Variants in PTPRD observed in about 807,000 individuals in gnomAD.
PTPRD encodes receptor-type tyrosine-protein phosphatase delta.
PTPRD carries 34 observed loss-of-function variants against 214.5 expected under a neutral mutation model. The observed-to-expected ratio is 0.16, with a 90% CI of 0.12 to 0.21. The LOEUF (loss-of-function observed/expected upper bound fraction) is 0.21. Ranked by LOEUF, PTPRD falls within the 10% of genes least tolerant of loss-of-function variation. PTPRD has a pLI of 1.00. For missense variants in PTPRD, 2,545 were observed against 2,398.7 expected (o/e 1.06, Z -1.27); for synonymous variants, 1,128 against 845.7 (o/e 1.33, Z -5.79).
chr9:10,240,288 C>T (rs1595085657), intron 3 of PTPRD, among the ~76,000 whole-genome samples: 3 of 152,026 alleles, frequency 2.0e-5, no homozygotes, highest in East Asian at 3.9e-4. Flanking sequence ...CTATCAAATA[C>T]ACTTGCTATG....
At chr9:8,762,989 C>A (rs1281830139) in intron 11 of PTPRD, among the ~76,000 whole-genome samples, 2 of 152,116 alleles carry the variant, frequency 1.3e-5, no homozygotes, top group Non-Finnish European at 2.9e-5. Context: ...TCAGGCTATC[C>A]AATGAGTCTC....
chr9:9,934,731 C>T (rs1448561931), intron 5 of PTPRD, among the ~76,000 whole-genome samples: 1 of 151,618 alleles, frequency 6.6e-6, no homozygotes. Flanking sequence ...TTTTATGAGG[C>T]CAGCATCATT....
chr9:9,617,899 T>C lies in PTPRD; in HGVS notation c.-286-43118A>G, dbSNP rs1039810552. ...CATTCTGGCTAACATGGTGAAACCC[T>C]GTCTCTACTAAAAATACAAAAAATT... On this transcript the variant is annotated intron_variant, in intron 7 of 45. Transcript: ENST00000381196. Among the ~76,000 whole-genome samples the C allele has an allele frequency of 6.6e-5, 10 of 151,130 alleles. 1 individual carries two copies. The highest frequency in any genetic ancestry group is 5.9e-4 in the East Asian group (3 of 5,116).
At chr9:9,850,556 TTAAA>T (rs1438373768) in intron 5 of PTPRD, among the ~76,000 whole-genome samples, 1 of 152,078 alleles carries the variant, frequency 6.6e-6, no homozygotes, top group Non-Finnish European at 1.5e-5. Context: ...TTTTATATTT[TTAAA>T]TAGACAAATT....
intron 2 of PTPRD, among the ~76,000 whole-genome samples, chr9:10,403,227 AATATAT>A (rs58712564): frequency 7.2e-4 from 43 of 59,880 alleles, no homozygotes; most frequent in Middle Eastern, 0.017. Context: ...TGTGTGTGTA[AATATAT>A]ATATATATAT....
chr9:10,202,465 G>C (rs1044489155), intron 3 of PTPRD, among the ~76,000 whole-genome samples: 3 of 147,440 alleles, frequency 2.0e-5, no homozygotes, highest in African/African-American at 7.7e-5. Context: ...GCATTAGAAA[G>C]GATACTAAAT....
intron 4 of PTPRD, among the ~76,000 whole-genome samples, chr9:10,017,725 T>C (rs1402343031): frequency 1.3e-5 from 2 of 152,156 alleles, no homozygotes; most frequent in African/African-American, 4.8e-5. Context: ...TTCTGTTCTT[T>C]ACTTATTTCT....
chr9:9,107,242 T>A (rs1428992860), intron 10 of PTPRD, among the ~76,000 whole-genome samples: 3 of 152,076 alleles, frequency 2.0e-5, no homozygotes, highest in African/African-American at 7.2e-5. Context: ...ATACACCCAT[T>A]GATTCTGAAG....
intron 5 of PTPRD, among the ~76,000 whole-genome samples, chr9:9,895,410 A>G (rs2074672498): frequency 6.6e-6 from 1 of 152,098 alleles, no homozygotes; most frequent in African/African-American, 2.4e-5. Context: ...GTATCTGAAT[A>G]GTTCAATAGA....
intron 11 of PTPRD, among the ~76,000 whole-genome samples, chr9:8,905,100 G>A (rs1381942608): frequency 6.6e-6 from 1 of 152,106 alleles, no homozygotes; most frequent in Non-Finnish European, 1.5e-5. Context: ...TACCTTTAAG[G>A]TCATTCTCAC....
chr9:9,837,575 A>C (rs1195686236), intron 5 of PTPRD, among the ~76,000 whole-genome samples: 1 of 151,978 alleles, frequency 6.6e-6, no homozygotes. Flanking sequence ...TTTGCTTTTG[A>C]CTTTTGATGG....
chr9:9,117,020 G>A (rs1281690948), intron 10 of PTPRD, among the ~76,000 whole-genome samples: 4 of 151,958 alleles, frequency 2.6e-5, no homozygotes, highest in African/African-American at 7.3e-5. Flanking sequence ...AGCGTGAGAT[G>A]GGAGAAACAG....
intron 4 of PTPRD, among the ~76,000 whole-genome samples, chr9:9,991,918 G>A (rs2095946940): frequency 6.6e-6 from 1 of 151,526 alleles, no homozygotes; most frequent in Non-Finnish European, 1.5e-5. Flanking sequence ...TACACATTCA[G>A]TAGAGTAATA....
intron 3 of PTPRD, among the ~76,000 whole-genome samples, chr9:10,036,506 G>GCACACACACACACA (rs59938783): frequency 8.4e-5 from 12 of 142,096 alleles, no homozygotes; most frequent in African/African-American, 2.4e-4. Flanking sequence ...ACACACTCAT[G>GCACACACACACACA]CACACACACA....
intron 2 of PTPRD, among the ~76,000 whole-genome samples, chr9:10,400,886 C>A (rs1245145107): frequency 1.3e-5 from 2 of 151,454 alleles, no homozygotes; most frequent in Non-Finnish European, 3.0e-5. Flanking sequence ...GTATTCAATG[C>A]TATTTAACTA....
chr9:10,310,669 T>C (rs531985272), intron 3 of PTPRD, among the ~76,000 whole-genome samples: 38 of 152,228 alleles, frequency 2.5e-4, no homozygotes, highest in Middle Eastern at 3.4e-3. Flanking sequence ...CCAATGGACA[T>C]TAAAGCTTTT....
At chr9:9,093,939 A>C (rs1025779662) in intron 10 of PTPRD, among the ~76,000 whole-genome samples, 1 of 152,026 alleles carries the variant, frequency 6.6e-6, no homozygotes, top group Non-Finnish European at 1.5e-5. Flanking sequence ...CCAAGTAGAA[A>C]GAAAAAAAAA....
chr9:9,787,179 T>C (rs1254320713), intron 5 of PTPRD, among the ~76,000 whole-genome samples: 1 of 151,724 alleles, frequency 6.6e-6, no homozygotes, highest in Non-Finnish European at 1.5e-5. Context: ...TAAAAATCAA[T>C]TTTATTTCTC....
intron 9 of PTPRD, among the ~76,000 whole-genome samples, chr9:9,212,731 T>C (rs1418793717): frequency 6.6e-6 from 1 of 152,138 alleles, no homozygotes; most frequent in Non-Finnish European, 1.5e-5. Context: ...AATACAGATA[T>C]GGGTTATTGG....
Sources: allele counts gnomAD v4.1 joint callset (sites outside exome capture counted in the v4.1 genomes callset), GRCh38; gene constraint gnomAD v4.1.1; transcripts MANE v1.5; gene names NCBI Gene and HGNC (gene_info 2026-07-23, HGNC 2026-07-21).